Variants in CCDC88A observed in about 807,000 individuals in gnomAD.
The protein encoded by CCDC88A is coiled-coil and HOOK domain protein 88A.
Under a neutral mutation model 234.3 loss-of-function variants are expected in CCDC88A, and 54 were observed. The observed-to-expected ratio is 0.23, with a 90% confidence interval of 0.19 to 0.29. The LOEUF (loss-of-function observed/expected upper bound fraction) is 0.29, where lower values mean the gene tolerates loss of function less well. CCDC88A is among the 10% of genes least tolerant of loss of function. The probability of loss-of-function intolerance (pLI) is 1.00; values close to 1 mark genes in which losing one functional copy is unlikely to be tolerated. For missense variants in CCDC88A, 1,832 were observed against 2,123.4 expected, an observed-to-expected ratio of 0.86 and a Z score of 2.70; for synonymous variants, 753 against 737.8, an observed-to-expected ratio of 1.02 and a Z score of -0.33.
At chr2:55,361,675 T>C (rs1210968637) in intron 7 of CCDC88A, among the ~76,000 whole-genome samples, 1 of 152,196 alleles carries the variant, frequency 6.6e-6, no homozygotes, top group Non-Finnish European at 1.5e-5. Flanking sequence ...TGCTCTGCTA[T>C]TAAGAAAATA....
chr2:55,362,881 C>T (rs1671501010), intron 6 of CCDC88A, among the ~76,000 whole-genome samples: 2 of 151,850 alleles, frequency 1.3e-5, no homozygotes, highest in South Asian at 4.1e-4. Context: ...TTTATAGATT[C>T]TGAAGATGAC....
chr2:55,360,321 A>G (rs902087918), intron 7 of CCDC88A, among the ~76,000 whole-genome samples: 1 of 150,124 alleles, frequency 6.7e-6, no homozygotes, highest in African/African-American at 2.5e-5. Flanking sequence ...GAAACTCTAA[A>G]TAACAACTTG....
Position 55,362,333 on chromosome 2 carries a change from A to C in CCDC88A, c.602T>G (p.Ile201Arg), listed in dbSNP as rs1228312213. 1 of 1,593,758 alleles carries C rather than the reference A, an allele frequency of 6.3e-7. No individual in the cohort carries two copies. The highest frequency in any genetic ancestry group is 8.5e-7 in the Non-Finnish European group (1 of 1,172,384). ...CTCTGAATGTTCATCTCTCTCATCT[A>C]TAAGTCTTTTTAGATGCAATGCCAT... The part of the protein sequence containing the change: ...KNMALHLKRL[I>R]DERDEHSETI... The change falls in exon 7 of 33, where the codon ATA becomes AGA. Residue 201 changes from isoleucine to arginine, a missense_variant. Transcript: ENST00000436346.
In CCDC88A at chr2:55,384,635, A is replaced by G. The variant is rs74220250; in HGVS notation, c.273+4143T>C. Among the ~76,000 whole-genome samples, 169 of 38,416 alleles carry G rather than the reference A, an allele frequency of 4.4e-3. 36 individuals carry two copies. Among genetic ancestry groups the G allele is most frequent in the Middle Eastern group, 0.015 (1 of 68 alleles). The allele number at this position is 38,416 out of a possible 152,430, so 25.2% of individuals were successfully genotyped here. A position where few individuals can be genotyped will look rare whatever the true frequency, so the allele number is the denominator to read the frequency against. ...TGTATATATACGTATATATATGTAT[A>G]TATGTGTATATATACATATATATAT... On this transcript the variant is annotated intron_variant, in intron 3 of 32. Transcript: ENST00000436346.
chr2:55,406,685 G>A (rs907016710), intron 2 of CCDC88A, among the ~76,000 whole-genome samples: 1 of 152,076 alleles, frequency 6.6e-6, no homozygotes, highest in Non-Finnish European at 1.5e-5. Flanking sequence ...CTTGATCCCA[G>A]GAGGCAGAGG....
At chr2:55,408,779 T>C (rs1680007126) in intron 2 of CCDC88A, among the ~76,000 whole-genome samples, 1 of 152,124 alleles carries the variant, frequency 6.6e-6, no homozygotes. Flanking sequence ...CTTTATAGAC[T>C]TGCCCTAAAT....
At position 55,388,845 on chromosome 2, in the gene CCDC88A, T is replaced by C. The variant is rs1676132730; in HGVS notation, c.206A>G (p.Asn69Ser). 7.2e-6 allele frequency: 11 copies of C among 1,538,310 alleles called. No individual in the cohort carries two copies. The highest frequency in any genetic ancestry group is 9.8e-6 in the Non-Finnish European group (11 of 1,127,216). ...LESQRVNKKV[N>S]NDASLRMHNL... Reference sequence around the variant, plus strand: ...GTGCATTCTAAGTGAGGCATCATTATTGACTTTTTTATTTACTCTCTGACT... The same window carrying C: ...GTGCATTCTAAGTGAGGCATCATTACTGACTTTTTTATTTACTCTCTGACT... Residue 69 changes from asparagine to serine, a missense_variant, in exon 3 of 33, where the codon AAT becomes AGT. This residue lies in a region of CCDC88A where 84 missense variants were observed against 80.9 expected (regional missense o/e 1.04). Transcript: ENST00000436346.
chr2:55,380,644 C>G (rs1295055301), intron 3 of CCDC88A, among the ~76,000 whole-genome samples: 1 of 152,006 alleles, frequency 6.6e-6, no homozygotes, highest in African/African-American at 2.4e-5. Flanking sequence ...GAGACAGAGT[C>G]TTGCTCTGTC....
intron 18 of CCDC88A, among the ~76,000 whole-genome samples, chr2:55,320,581 T>TATACATAA (rs1228706895): frequency 6.6e-5 from 10 of 152,178 alleles, no homozygotes; most frequent in African/African-American, 2.2e-4. Flanking sequence ...GCCAGCTCAA[T>TATACATAA]TTTCTAAAAT....
Position 55,332,496 on chromosome 2 carries a change from G to T in CCDC88A, c.2855+70C>A. 6.5e-7 allele frequency: 1 copy of T among 1,546,210 alleles called. No homozygotes were observed. ...ATAAATGTTTTCTATAGCTAGTACA[G>T]AAAGAATTCATGTATGAGCAAAAAA... On this transcript the variant is annotated intron_variant, in intron 16 of 32. Coordinates refer to ENST00000436346, the MANE Select transcript of CCDC88A (RefSeq NM_001365480.1). The surrounding 1 kb of genome is among the most constrained non-coding windows in gnomAD (Gnocchi z 4.5).
At position 55,301,014 on chromosome 2, in the gene CCDC88A, T is replaced by C. The variant is rs1266469780; in HGVS notation, c.4744+192A>G. On this transcript the variant is annotated intron_variant, in intron 28 of 32. Transcript: ENST00000436346. The stretch of plus-strand genomic sequence containing the variant: ...GACCTTGGCTAAAACAGAGAACATT[T>C]AGATGAAGCAATTATCTTAAAAGAG... 4 of 526,550 alleles carry C rather than the reference T, an allele frequency of 7.6e-6. No individual in the cohort carries two copies. The East Asian group carries it at 1.4e-4, about 18-fold the overall frequency. The allele number at this position is 526,550 out of a possible 1,614,324, so 32.6% of individuals were successfully genotyped here.
intron 27 of CCDC88A, chr2:55,301,516 T>G: frequency 2.0e-6 from 1 of 506,024 alleles, no homozygotes; most frequent in East Asian, 3.4e-5. Flanking sequence ...CCTCTGACCC[T>G]GCAAAGCAAA....
At chr2:55,344,083 C>A in intron 11 of CCDC88A, 1 of 358,782 alleles carries the variant, frequency 2.8e-6, no homozygotes, top group Non-Finnish European at 4.9e-6. Flanking sequence ...TAAATTTTAG[C>A]AATCAGATTT....
At chr2:55,398,267 A>T (rs534031402) in intron 2 of CCDC88A, among the ~76,000 whole-genome samples, 1 of 152,302 alleles carries the variant, frequency 6.6e-6, no homozygotes, top group East Asian at 1.9e-4. Context: ...AGCACCCCAA[A>T]CCTCTATCTG....
At chr2:55,308,455 G>T in intron 25 of CCDC88A, 1 of 179,860 alleles carries the variant, frequency 5.6e-6, no homozygotes, top group South Asian at 1.4e-4. Flanking sequence ...TTATGAAAAT[G>T]ACATCTCATA....
Position 55,328,346 on chromosome 2 carries a change from C to T in CCDC88A, c.2945G>A (p.Arg982Gln), listed in dbSNP as rs369318213. ...KEEKIAALEA[R>Q]LEESTNYNQQ... is the part of the protein sequence containing the mutation. ...GTTATAATTCGTGGATTCTTCTAAT[C>T]GAGCTTCTAAAGCAGCAATTTTTTC... Residue 982 changes from arginine to glutamine, a missense_variant, in exon 17 of 33, where the codon CGA (arginine) becomes CAA (glutamine). By Grantham distance (43) the Arg-to-Gln change is conservative. Coordinates refer to ENST00000436346, the MANE Select transcript of CCDC88A (RefSeq NM_001365480.1). This position sits in a 1 kb window ranked among gnomAD's most constrained non-coding sequence, Gnocchi z 4.3. 10 of 1,601,326 alleles carry T rather than the reference C, an allele frequency of 6.2e-6. No individual in the cohort carries two copies. Among genetic ancestry groups the T allele is most frequent in the African/African-American group, 1.3e-5 (1 of 74,492 alleles).
At chr2:55,362,556 A>ACT in intron 6 of CCDC88A, 108 bp from the exon 7 acceptor site, 1 of 817,688 alleles carries the variant, frequency 1.2e-6, no homozygotes, top group Non-Finnish European at 1.8e-6. Context: ...CATATAAAAT[A>ACT]TGAAAAGCCA....
chr2:55,346,381 T>C, intron 9 of CCDC88A, 48 bp from the exon 10 acceptor site: 1 of 1,003,834 alleles, frequency 1.0e-6, no homozygotes, highest in Non-Finnish European at 1.5e-6. Context: ...TGTTATCAAC[T>C]TGTTATTCTT....
chr2:55,377,758 C>T (rs952888342), intron 3 of CCDC88A, among the ~76,000 whole-genome samples: 6 of 151,928 alleles, frequency 3.9e-5, no homozygotes, highest in South Asian at 2.1e-4. Context: ...TACAGGCGCA[C>T]GCCACCATGC....
Sources: gnomAD v4.1 joint callset for allele counts (sites outside exome capture counted in the v4.1 genomes callset) on GRCh38, gnomAD v4.1.1 for gene constraint, gnomAD v4.1.1 regional missense constraint, Gnocchi (gnomAD v3.1) non-coding constraint, MANE v1.5 for transcripts, NCBI Gene and HGNC (gene_info 2026-07-23, HGNC 2026-07-21) for gene names.